PCDH1: variants seen among roughly 807,000 people sequenced by gnomAD.
PCDH1 encodes protocadherin 1.
A neutral mutation model predicts 74.6 loss-of-function variants in PCDH1; 23 were observed. The observed-to-expected ratio is 0.31, with a 90% confidence interval of 0.22 to 0.44. The LOEUF is 0.44. Ranked by LOEUF, PCDH1 falls within the 20% of genes least tolerant of loss-of-function variation. PCDH1 has a pLI of 1.00. For missense variants in PCDH1, 1,214 were observed against 1,641.4 expected, an observed-to-expected ratio of 0.74 and a Z score of 4.50; for synonymous variants, 647 against 686.1, an observed-to-expected ratio of 0.94 and a Z score of 0.89.
Position 141,863,806 on chromosome 5 carries a change from G to A in PCDH1, c.2525C>T (p.Pro842Leu). 1 of 1,614,162 alleles carries A rather than the reference G, an allele frequency of 6.2e-7. No individual in the cohort carries two copies. The highest frequency in any genetic ancestry group is 8.5e-7 in the Non-Finnish European group (1 of 1,180,044). The change falls in exon 3 of 5, where the codon CCA (proline) becomes CTA (leucine). Residue 842 changes from proline (P) to leucine (L), a missense_variant. Pro to Leu is a moderately conservative substitution (Grantham distance 98, BLOSUM62 -3). Around this residue, in one of 4 missense-constraint regions of PCDH1, gnomAD observed 836 missense variants for 1,182.2 expected, o/e 0.71. Transcript: ENST00000287008. The surrounding 1 kb of genome is among the most constrained non-coding windows in gnomAD (Gnocchi z 7.5). ...ACGCTGCTTGGAGCGCTCATATTCT[G>A]GATCCCCAGCAATGTCAATATCCAG... ...TPLDIDIAGD[P>L]EYERSKQRGN...
At position 141,865,416 on chromosome 5, in the gene PCDH1, A is replaced by G; in HGVS notation, c.915T>C (p.Asn305=). Residue 305 remains asparagine, a synonymous_variant, in exon 3 of 5, where the codon AAT becomes AAC. Coordinates refer to ENST00000287008, the MANE Select transcript of PCDH1 (RefSeq NM_032420.5). This position sits in a 1 kb window ranked among gnomAD's most constrained non-coding sequence, Gnocchi z 4.4. ...CTGCATTGGCACCTTGGTCTGAGTCATTGGCCTTCACCTATAGGGCAGGAG... is the reference window on the plus strand; with the variant it reads ...CTGCATTGGCACCTTGGTCTGAGTCGTTGGCCTTCACCTATAGGGCAGGAG... ...IGHSVIQVKA[N]DSDQGANAEI... is the part of the protein sequence containing the mutation. 6.2e-7 allele frequency: 1 copy of G among 1,613,038 alleles called. No homozygotes were observed. The highest frequency in any genetic ancestry group is 8.5e-7 in the Non-Finnish European group (1 of 1,179,874).
At chr5:141,874,038 G>A (rs991276263) in intron 1 of PCDH1, among the ~76,000 whole-genome samples, 68 of 152,216 alleles carry the variant, frequency 4.5e-4, no homozygotes, top group Non-Finnish European at 8.1e-4. Flanking sequence ...GAGTCTGGGG[G>A]AAAGAAACAG....
chr5:141,870,226 G>A (rs1159317912), intron 1 of PCDH1, among the ~76,000 whole-genome samples: 1 of 152,208 alleles, frequency 6.6e-6, no homozygotes, highest in Non-Finnish European at 1.5e-5. Flanking sequence ...CAACACATAT[G>A]CCCCAGAACG....
intron 1 of PCDH1, among the ~76,000 whole-genome samples, chr5:141,870,500 G>A (rs563459219): frequency 5.9e-5 from 9 of 152,232 alleles, no homozygotes; most frequent in African/African-American, 1.4e-4. Context: ...CAGAGCTGCC[G>A]ATGATAATGA....
At position 141,869,241 on chromosome 5, in the gene PCDH1, G is replaced by A. The variant is rs113157473; in HGVS notation, c.231C>T (p.Leu77=). The A allele has an allele frequency of 3.4e-5, 55 of 1,613,260 alleles. No homozygotes were observed. Among genetic ancestry groups the A allele is most frequent in the South Asian group, 2.2e-4 (20 of 90,840 alleles). ...EQPPNTLIGS[L]AADYGFPDVG... ...CATCTGGAAAACCATAGTCGGCTGCGAGGCTCCCAATGAGGGTGTTGGGTG... is the reference window on the plus strand; with the variant it reads ...CATCTGGAAAACCATAGTCGGCTGCAAGGCTCCCAATGAGGGTGTTGGGTG... The change falls in exon 2 of 5, where the codon CTC becomes CTT. Residue 77 remains leucine (L), a synonymous_variant. Transcript: ENST00000287008. This position sits in a 1 kb window ranked among gnomAD's most constrained non-coding sequence, Gnocchi z 4.9.
At chr5:141,860,498 CAAA>C (rs375427155) in intron 3 of PCDH1, among the ~76,000 whole-genome samples, 23,642 of 115,050 alleles carry the variant, frequency 0.21, 2,211 homozygotes, top group Non-Finnish European at 0.26. Flanking sequence ...GACCCTGTCT[CAAA>C]AAAAAAAAAA....
At position 141,869,375 on chromosome 5, in the gene PCDH1, C is replaced by A; in HGVS notation, c.97G>T (p.Gly33Trp). 1 of 1,597,522 alleles carries A rather than the reference C, an allele frequency of 6.3e-7. No individual in the cohort carries two copies. The highest frequency in any genetic ancestry group is 8.5e-7 in the Non-Finnish European group (1 of 1,176,298). Residue 33 changes from glycine to tryptophan, a missense_variant, in exon 2 of 5, where the codon GGG becomes TGG. This residue lies in a region of PCDH1 where 87 missense variants were observed against 87.7 expected (regional missense o/e 0.99). Transcript: ENST00000287008. This position sits in a 1 kb window ranked among gnomAD's most constrained non-coding sequence, Gnocchi z 4.9. The stretch of plus-strand genomic sequence containing the variant: ...GAGGGCAGCAGTAGCCGTTGCCCCC[C>A]AGGGCCTGGGCTGTGCCTCAGGTGC... ...MEHLRHSPGP[G>W]GQRLLLPSML...
chr5:141,855,669 G>A (rs916017712), intron 4 of PCDH1, among the ~76,000 whole-genome samples: 1 of 152,088 alleles, frequency 6.6e-6, no homozygotes, highest in Non-Finnish European at 1.5e-5. Flanking sequence ...GAAGGGACGA[G>A]CTTCTGTGTG....
chr5:141,857,520 G>T, intron 3 of PCDH1, 49 bp from the exon 4 acceptor site: 1 of 1,523,638 alleles, frequency 6.6e-7, no homozygotes, highest in Non-Finnish European at 9.0e-7. Flanking sequence ...TGCCCACAGG[G>T]CCCACCACCA....
At chr5:141,873,516 G>A (rs1221296342) in intron 1 of PCDH1, among the ~76,000 whole-genome samples, 2 of 150,050 alleles carry the variant, frequency 1.3e-5, no homozygotes, top group African/African-American at 4.9e-5. Flanking sequence ...GCGCGATCCC[G>A]GCTCACTGCA....
At position 141,863,284 on chromosome 5, in the gene PCDH1, T is replaced by A. The variant is rs766854307; in HGVS notation, c.3047A>T (p.Gln1016Leu). ...GGTGCGGTAGCTGTAGTCGGAGTAC[T>A]GCTCAGAGCCCGTGGACGTGGTGTC... The part of the protein sequence containing the change: ...TGDTTSTGSE[Q>L]YSDYSYRTNP... Residue 1016 changes from glutamine to leucine, a missense_variant, in exon 3 of 5, where the codon CAG becomes CTG. Coordinates refer to ENST00000287008, the MANE Select transcript of PCDH1 (RefSeq NM_032420.5). This position sits in a 1 kb window ranked among gnomAD's most constrained non-coding sequence, Gnocchi z 7.5. 1.9e-6 allele frequency: 3 copies of A among 1,588,904 alleles called. No individual in the cohort carries two copies.
In PCDH1 at chr5:141,869,619, A is replaced by G; in HGVS notation, c.41-188T>C. Reference sequence around the variant, plus strand: ...CTGAATCTCATCCACAGCTGGGTGTAGCAGCAGTGTCTGCCCCAGCTGGAG... The same window carrying G: ...CTGAATCTCATCCACAGCTGGGTGTGGCAGCAGTGTCTGCCCCAGCTGGAG... On this transcript the variant is annotated intron_variant, in intron 1 of 4. Coordinates refer to ENST00000287008, the MANE Select transcript of PCDH1 (RefSeq NM_032420.5). The surrounding 1 kb of genome is among the most constrained non-coding windows in gnomAD (Gnocchi z 4.9). 2 of 1,534,624 alleles carry G rather than the reference A, an allele frequency of 1.3e-6. No individual in the cohort carries two copies. The highest frequency in any genetic ancestry group is 1.7e-6 in the Non-Finnish European group (2 of 1,146,646).
intron 1 of PCDH1, among the ~76,000 whole-genome samples, chr5:141,871,351 T>C (rs1195816001): frequency 6.6e-6 from 1 of 152,256 alleles, no homozygotes; most frequent in Non-Finnish European, 1.5e-5. Flanking sequence ...TGACAGTGCT[T>C]CTAACTCAAT....
At chr5:141,870,009 G>C (rs1753048333) in intron 1 of PCDH1, among the ~76,000 whole-genome samples, 1 of 152,196 alleles carries the variant, frequency 6.6e-6, no homozygotes, top group South Asian at 2.1e-4. Flanking sequence ...TGGCTGGAGG[G>C]AGAGGGGATG....
chr5:141,864,861 G>C lies in PCDH1; in HGVS notation c.1470C>G (p.Asn490Lys). ...DSGNPPLSST[N>K]SLKVQVVDVN... is the part of the protein sequence containing the mutation. Reference sequence around the variant, plus strand: ...CGTCCACCACCTGCACCTTGAGGGAGTTAGTGCTGGAGAGTGGGGGGTTGC... The same window carrying C: ...CGTCCACCACCTGCACCTTGAGGGACTTAGTGCTGGAGAGTGGGGGGTTGC... The change falls in exon 3 of 5, where the codon AAC becomes AAG. Residue 490 changes from asparagine (N) to lysine (K), a missense_variant. Transcript: ENST00000287008. This position sits in a 1 kb window ranked among gnomAD's most constrained non-coding sequence, Gnocchi z 5.9. The C allele has an allele frequency of 6.2e-7, 1 of 1,614,200 alleles. No homozygotes were observed. Among genetic ancestry groups the C allele is most frequent in the Non-Finnish European group, 8.5e-7 (1 of 1,180,032 alleles).
intron 1 of PCDH1, among the ~76,000 whole-genome samples, chr5:141,876,787 A>G (rs1230487091): frequency 6.7e-6 from 1 of 149,782 alleles, no homozygotes; most frequent in African/African-American, 2.5e-5. Flanking sequence ...GGGACCCACC[A>G]AGGTGTGTGG....
intron 4 of PCDH1, chr5:141,856,117 T>C (rs922092119): frequency 3.0e-5 from 32 of 1,067,202 alleles, no homozygotes; most frequent in Non-Finnish European, 4.3e-5. Flanking sequence ...CAGAGCAGAG[T>C]TGGGGGACGC....
In PCDH1 at chr5:141,864,563, G is replaced by A; in HGVS notation, c.1768C>T (p.Pro590Ser). ...LKVVAADRGSPSLQGTATVLV... is the reference protein window; with the variant it reads ...LKVVAADRGSSSLQGTATVLV... ...ACAGTGGCTGTGCCCTGGAGGCTAG[G>A]ACTGCCCCGGTCAGCTGCCACCACC... Residue 590 changes from proline to serine, a missense_variant, in exon 3 of 5, where the codon CCT (proline) becomes TCT (serine). Pro to Ser is a moderately conservative substitution (Grantham distance 74, BLOSUM62 -1). Coordinates refer to ENST00000287008, the MANE Select transcript of PCDH1 (RefSeq NM_032420.5). This position sits in a 1 kb window ranked among gnomAD's most constrained non-coding sequence, Gnocchi z 5.9. 6.2e-7 allele frequency: 1 copy of A among 1,613,934 alleles called. No homozygotes were observed. The highest frequency in any genetic ancestry group is 2.2e-5 in the East Asian group (1 of 44,882).
At chr5:141,876,064 G>A (rs569996563) in intron 1 of PCDH1, among the ~76,000 whole-genome samples, 4 of 152,214 alleles carry the variant, frequency 2.6e-5, no homozygotes, top group African/African-American at 9.6e-5. Context: ...GTCAGCGGGC[G>A]CTCCCAGCAC....
Sources: gnomAD v4.1 joint callset for allele counts (sites outside exome capture counted in the v4.1 genomes callset) on GRCh38, gnomAD v4.1.1 for gene constraint, gnomAD v4.1.1 regional missense constraint, Gnocchi (gnomAD v3.1) non-coding constraint, MANE v1.5 for transcripts, NCBI Gene and HGNC (gene_info 2026-07-23, HGNC 2026-07-21) for gene names.